Variants in SNX31 observed in about 807,000 individuals in gnomAD.
SNX31 encodes sorting nexin 31, also known as sorting nexin-31.
Under a neutral mutation model 65.4 loss-of-function variants are expected in SNX31, and 58 were observed. The observed-to-expected ratio is 0.89, with a 90% CI of 0.72 to 1.10. SNX31 has a LOEUF of 1.10. SNX31 is among the 50% of genes least tolerant of loss of function. The pLI is 0.00. For synonymous variants in SNX31, 181 were observed against 190.1 expected (o/e 0.95, Z 0.39); for missense variants, 523 against 529.7 (o/e 0.99, Z 0.12).
intron 1 of SNX31, among the ~76,000 whole-genome samples, chr8:100,658,541 T>TACTTCACTTGATCCACACA (rs1809709118): frequency 6.6e-6 from 1 of 152,206 alleles, no homozygotes; most frequent in Non-Finnish European, 1.5e-5. Context: ...CAGGGCACTT[T>TACTTCACTTGATCCACACA]ACAATATTAC....
chr8:100,608,925 C>G (rs537224623), intron 7 of SNX31, among the ~76,000 whole-genome samples: 1 of 152,270 alleles, frequency 6.6e-6, no homozygotes, highest in Admixed American at 6.5e-5. Flanking sequence ...GACCTACCCC[C>G]ATATTCACCA....
chr8:100,628,167 T>C (rs550530467), intron 4 of SNX31, among the ~76,000 whole-genome samples: 70 of 152,234 alleles, frequency 4.6e-4, no homozygotes, highest in Non-Finnish European at 6.3e-4. Context: ...TCAACCATTG[T>C]GGGAGTCAGT....
intron 2 of SNX31, among the ~76,000 whole-genome samples, chr8:100,641,567 T>G (rs13264170): frequency 4.1e-5 from 1 of 24,528 alleles, no homozygotes; most frequent in Non-Finnish European, 6.7e-5. Flanking sequence ...AAAAAAAAAA[T>G]ATATATATAT....
In SNX31 at chr8:100,625,246, C is replaced by T. The variant is rs764603958; in HGVS notation, c.321+5081G>A. Among the ~76,000 whole-genome samples the T allele has an allele frequency of 9.9e-5, 15 of 152,266 alleles. No homozygotes were observed. Among genetic ancestry groups the T allele is most frequent in the Admixed American group, 2.0e-4 (3 of 15,298 alleles). The stretch of plus-strand genomic sequence containing the variant: ...TGGGCTGCCTTAATGTTTTAAAATA[C>T]GTGCTTTGTTGCTATTCTGCTCTGA... On this transcript the variant is annotated intron_variant, in intron 4 of 13. Coordinates refer to ENST00000311812, the MANE Select transcript of SNX31 (RefSeq NM_152628.4). This position sits in a 1 kb window ranked among gnomAD's most constrained non-coding sequence, Gnocchi z 4.2.
intron 13 of SNX31, 87 bp from the exon 14 acceptor site, chr8:100,574,047 T>C: frequency 1.4e-6 from 1 of 702,594 alleles, no homozygotes; most frequent in Non-Finnish European, 2.3e-6. Flanking sequence ...TAAAACAGTA[T>C]TGAAAGGGCA....
upstream of SNX31, among the ~76,000 whole-genome samples, chr8:100,650,935 C>T (rs1819953358): frequency 6.6e-6 from 1 of 151,706 alleles, no homozygotes; most frequent in South Asian, 2.1e-4. Context: ...TCACCACAAC[C>T]TCTGCCTCCC....
Position 100,648,626 on chromosome 8 carries a change from T to C in SNX31, c.141+648A>G, listed in dbSNP as rs1380118945. On this transcript the variant is annotated intron_variant, in intron 2 of 13. Transcript: ENST00000311812. This position sits in a 1 kb window ranked among gnomAD's most constrained non-coding sequence, Gnocchi z 4.3. Reference sequence around the variant, plus strand: ...ATTTTGAAGACTTATAACACCTCCTTATAAGAACAATGAAACCCATTAGAG... The same window carrying C: ...ATTTTGAAGACTTATAACACCTCCTCATAAGAACAATGAAACCCATTAGAG... Among the ~76,000 whole-genome samples the C allele has an allele frequency of 6.6e-6, 1 of 152,134 alleles. No homozygotes were observed. The highest frequency in any genetic ancestry group is 1.5e-5 in the Non-Finnish European group (1 of 68,024).
chr8:100,656,958 C>G (rs1820062436), intron 1 of SNX31, among the ~76,000 whole-genome samples: 1 of 152,192 alleles, frequency 6.6e-6, no homozygotes, highest in Non-Finnish European at 1.5e-5. Flanking sequence ...AAAACTGAAC[C>G]AGGCATTGAA....
intron 2 of SNX31, among the ~76,000 whole-genome samples, chr8:100,643,896 A>T (rs1819443171): frequency 6.6e-6 from 1 of 152,204 alleles, no homozygotes; most frequent in Non-Finnish European, 1.5e-5. Context: ...AAGGAGCATG[A>T]CAAGGTTGAA....
At position 100,588,838 on chromosome 8, in the gene SNX31, G is replaced by T; in HGVS notation, c.1092+28C>A. On this transcript the variant is annotated intron_variant, in intron 11 of 13. Coordinates refer to ENST00000311812, the MANE Select transcript of SNX31 (RefSeq NM_152628.4). This position sits in a 1 kb window ranked among gnomAD's most constrained non-coding sequence, Gnocchi z 4.8. ...GCAAGACAGCATTTCAGCACAGAGG[G>T]TGTTCAAGGTCTGCCCTGAGAACTC... 5.3e-6 allele frequency: 8 copies of T among 1,506,886 alleles called. No homozygotes were observed. Among genetic ancestry groups the T allele is most frequent in the Non-Finnish European group, 7.4e-6 (8 of 1,083,412 alleles). 93.3% of individuals were successfully genotyped at this position (1,506,886 alleles called of 1,614,324 possible). A position where few individuals can be genotyped will look rare whatever the true frequency, so the allele number is the denominator to read the frequency against.
intron 5 of SNX31, among the ~76,000 whole-genome samples, chr8:100,617,122 A>G (rs936252062): frequency 6.6e-6 from 1 of 152,168 alleles, no homozygotes; most frequent in East Asian, 1.9e-4. Flanking sequence ...ACAGTGGACT[A>G]CAACTCATGT....
chr8:100,579,782 G>A (rs912379494), intron 12 of SNX31, among the ~76,000 whole-genome samples: 1 of 152,176 alleles, frequency 6.6e-6, no homozygotes, highest in African/African-American at 2.4e-5. Context: ...CGCCATTTTT[G>A]AGGGAAACTA....
Position 100,573,761 on chromosome 8 carries a change from G to A in SNX31, c.*104C>T. 1 of 675,934 alleles carries A rather than the reference G, an allele frequency of 1.5e-6. No individual in the cohort carries two copies. Among genetic ancestry groups the A allele is most frequent in the Non-Finnish European group, 2.4e-6 (1 of 410,602 alleles). The allele number at this position is 675,934 out of a possible 1,614,324, so 41.9% of individuals were successfully genotyped here. A position where few individuals can be genotyped will look rare whatever the true frequency, so the allele number is the denominator to read the frequency against. On this transcript the variant is annotated 3_prime_UTR_variant, in exon 14 of 14. Coordinates refer to ENST00000311812, the MANE Select transcript of SNX31 (RefSeq NM_152628.4). ...TGTTAATGCCAAAAAAATGGGAAGA[G>A]GTCAAATTTCCTCCACTGATGGTAG... is the stretch of plus-strand genomic sequence containing the variant.
chr8:100,661,656 G>A (rs554548786), intron 1 of SNX31, among the ~76,000 whole-genome samples: 1 of 151,660 alleles, frequency 6.6e-6, no homozygotes, highest in South Asian at 2.1e-4. Context: ...GGCCTCCCAA[G>A]GAGCTGGGAC....
intron 1 of SNX31, chr8:100,657,603 T>C (rs1820072640): frequency 8.9e-6 from 4 of 451,036 alleles, no homozygotes; most frequent in Admixed American, 7.1e-5. Flanking sequence ...GTCCAGACTG[T>C]GCTTGGATGT....
chr8:100,660,737 C>T lies in SNX31; in HGVS notation c.-58+2405G>A, dbSNP rs1314481443. ...GTACTTGCTCTGAATCCCTCCTCTC[C>T]ACAGACCCCAACGATTAGCCATAAA... On this transcript the variant is annotated intron_variant, in intron 1 of 5. Transcript: ENST00000520352. This position sits in a 1 kb window ranked among gnomAD's most constrained non-coding sequence, Gnocchi z 4.1. 2.0e-5 allele frequency among the ~76,000 whole-genome samples: 3 copies of T among 152,220 alleles called. No homozygotes were observed. The highest frequency in any genetic ancestry group is 4.4e-5 in the Non-Finnish European group (3 of 68,042).
rs1481843867 is a variant in SNX31, at chr8:100,660,750, G to A, written c.-58+2392C>T. ...ATCCCTCCTCTCCACAGACCCCAAC[G>A]ATTAGCCATAAAATGAGCTCACAAA... On this transcript the variant is annotated intron_variant, in intron 1 of 5. Transcript: ENST00000520352. This position sits in a 1 kb window ranked among gnomAD's most constrained non-coding sequence, Gnocchi z 4.1. Among the ~76,000 whole-genome samples the A allele has an allele frequency of 2.0e-5, 3 of 152,140 alleles. No homozygotes were observed. Among genetic ancestry groups the A allele is most frequent in the Admixed American group, 6.5e-5 (1 of 15,268 alleles).
rs1193474176 is a variant in SNX31 at position 100,649,664 on chromosome 8, C to G, written c.-150G>C. 2.3e-5 allele frequency: 16 copies of G among 689,750 alleles called. No individual in the cohort carries two copies. Among genetic ancestry groups the G allele is most frequent in the Non-Finnish European group, 3.7e-5 (16 of 431,212 alleles). The allele number at this position is 689,750 out of a possible 1,614,324, so 42.7% of individuals were successfully genotyped here. On this transcript the variant is annotated 5_prime_UTR_variant, in exon 1 of 14. Transcript: ENST00000311812. ...GCCCGCTCTCGCCGGCCGGGGACAT[C>G]TACAGGTGGGGCCGGGGCCGGGCCG...
rs558122885 is a variant in SNX31, at chr8:100,594,476, A to T, written c.978+2163T>A. On this transcript the variant is annotated intron_variant, in intron 10 of 13. Coordinates refer to ENST00000311812, the MANE Select transcript of SNX31 (RefSeq NM_152628.4). The surrounding 1 kb of genome is among the most constrained non-coding windows in gnomAD (Gnocchi z 4.0). The stretch of plus-strand genomic sequence containing the variant: ...AAAAGCCAAACAATCCAATTCAAAA[A>T]TGGGTAAAAGATATGAGAAGACATT... Among the ~76,000 whole-genome samples the T allele has an allele frequency of 3.9e-5, 6 of 152,382 alleles. No individual in the cohort carries two copies. In the East Asian group the frequency reaches 1.2e-3, roughly 29 times the overall value.
Sources: allele counts gnomAD v4.1 joint callset (sites outside exome capture counted in the v4.1 genomes callset), GRCh38; gene constraint gnomAD v4.1.1; non-coding constraint Gnocchi (gnomAD v3.1); transcripts MANE v1.5; gene names NCBI Gene and HGNC (gene_info 2026-07-23, HGNC 2026-07-21).